DPP10: variants seen among roughly 807,000 people sequenced by gnomAD.
DPP10 encodes dipeptidyl peptidase like 10, also known as inactive dipeptidyl peptidase 10.
Under a neutral mutation model 120.9 loss-of-function variants are expected in DPP10, and 33 were observed. The ratio of observed to expected loss-of-function variants is 0.27; its 90% CI spans 0.21 to 0.37. DPP10 has a LOEUF of 0.37. Among genes scored for constraint, DPP10 ranks in the 10% least tolerant of loss-of-function variants. The probability of loss-of-function intolerance (pLI) is 1.00; values close to 1 mark genes in which losing one functional copy is unlikely to be tolerated. For synonymous variants in DPP10, 337 were observed against 326.1 expected, an observed-to-expected ratio of 1.03 and a Z score of -0.36; for missense variants, 816 against 942.8, an observed-to-expected ratio of 0.87 and a Z score of 1.76.
intron 1 of DPP10, among the ~76,000 whole-genome samples, chr2:114,775,229 C>T (rs371947633): frequency 2.0e-5 from 3 of 152,228 alleles, no homozygotes; most frequent in African/African-American, 7.2e-5. Context: ...AGGCTAATAG[C>T]TAAAGGTCAT....
At chr2:114,458,986 T>G (rs1678725389) in intron 1 of DPP10, among the ~76,000 whole-genome samples, 1 of 152,226 alleles carries the variant, frequency 6.6e-6, no homozygotes, top group African/African-American at 2.4e-5. Flanking sequence ...ATCACTCTGA[T>G]AAGATTGATT....
chr2:114,879,649 G>A (rs1452517009), intron 1 of DPP10, among the ~76,000 whole-genome samples: 3 of 152,012 alleles, frequency 2.0e-5, no homozygotes, highest in Non-Finnish European at 4.4e-5. Context: ...TCATCGTGGT[G>A]GGGGTCTTGG....
At chr2:115,296,730 T>C (rs2060901277) in intron 1 of DPP10, among the ~76,000 whole-genome samples, 1 of 152,102 alleles carries the variant, frequency 6.6e-6, no homozygotes, top group Non-Finnish European at 1.5e-5. Flanking sequence ...TCTTCTGATG[T>C]TTAATACATT....
intron 1 of DPP10, among the ~76,000 whole-genome samples, chr2:115,270,791 G>A (rs1251011144): frequency 6.6e-6 from 1 of 152,180 alleles, no homozygotes; most frequent in Non-Finnish European, 1.5e-5. Flanking sequence ...CAAGATTTGG[G>A]ACTACAAAAC....
At chr2:114,659,939 G>A (rs1278927443) in intron 1 of DPP10, among the ~76,000 whole-genome samples, 1 of 152,160 alleles carries the variant, frequency 6.6e-6, no homozygotes, top group South Asian at 2.1e-4. Flanking sequence ...CAGCAAAGAG[G>A]CATGGAACAG....
At chr2:115,799,595 C>G (rs112959526) in intron 19 of DPP10, among the ~76,000 whole-genome samples, 1,962 of 119,092 alleles carry the variant, frequency 0.016, 67 homozygotes, top group African/African-American at 0.058. Flanking sequence ...TCCCCCCACC[C>G]CACAACAGGC....
chr2:115,119,692 T>C (rs754076655), intron 1 of DPP10, among the ~76,000 whole-genome samples: 4 of 152,148 alleles, frequency 2.6e-5, no homozygotes, highest in Non-Finnish European at 5.9e-5. Flanking sequence ...TCCACTCTGT[T>C]GTGTTTCTCT....
chr2:115,345,709 A>G (rs1003517940), intron 3 of DPP10, among the ~76,000 whole-genome samples: 1 of 152,182 alleles, frequency 6.6e-6, no homozygotes, highest in Non-Finnish European at 1.5e-5. Context: ...TGACTCTGTG[A>G]TATTGAAGCT....
At chr2:114,971,630 G>A (rs1163048016) in intron 1 of DPP10, among the ~76,000 whole-genome samples, 2 of 152,076 alleles carry the variant, frequency 1.3e-5, no homozygotes, top group African/African-American at 4.8e-5. Context: ...AAGTAAAAGA[G>A]CGAAAGTAGA....
At chr2:115,086,395 C>T (rs1370896327) in intron 1 of DPP10, among the ~76,000 whole-genome samples, 1 of 152,148 alleles carries the variant, frequency 6.6e-6, no homozygotes, top group Non-Finnish European at 1.5e-5. Flanking sequence ...AAGCCACCCC[C>T]CAACCCCTCC....
At chr2:115,515,616 C>T (rs1052252007) in intron 4 of DPP10, among the ~76,000 whole-genome samples, 7 of 152,012 alleles carry the variant, frequency 4.6e-5, no homozygotes, top group Admixed American at 2.6e-4. Flanking sequence ...TGGAATTATT[C>T]ATTCATTAAT....
chr2:115,334,664 G>A (rs766405390), intron 2 of DPP10, among the ~76,000 whole-genome samples: 9 of 151,734 alleles, frequency 5.9e-5, no homozygotes, highest in Non-Finnish European at 1.2e-4. Flanking sequence ...GAAACATTTC[G>A]GTTGAAGAGA....
chr2:115,436,583 T>A (rs2071514980), intron 3 of DPP10, among the ~76,000 whole-genome samples: 1 of 151,880 alleles, frequency 6.6e-6, no homozygotes, highest in Admixed American at 6.6e-5. Flanking sequence ...ATATTAGACA[T>A]AATCAATCAA....
At chr2:114,532,367 G>GTA (rs1440570724) in intron 1 of DPP10, among the ~76,000 whole-genome samples, 1 of 135,216 alleles carries the variant, frequency 7.4e-6, no homozygotes, top group Non-Finnish European at 1.6e-5. Context: ...ATATATATAT[G>GTA]TATATATACA....
chr2:115,001,672 CT>C (rs1701448758), intron 1 of DPP10, among the ~76,000 whole-genome samples: 2 of 152,144 alleles, frequency 1.3e-5, no homozygotes. Flanking sequence ...GCTCTTTGCT[CT>C]GATAAACAAC....
chr2:115,727,860 G>A lies in DPP10; in HGVS notation c.621G>A (p.Lys207=). The change falls in exon 8 of 26, where the codon AAG becomes AAA. Residue 207 remains lysine (K), a synonymous_variant. Transcript: ENST00000410059. The part of the protein sequence containing the change: ...ENNIYYQPDI[K]SSSLRLTSSG... ...ATATCTACTATCAACCTGATATAAAGAGCAGTTCATTGCGACTGACATCTT... is the reference window on the plus strand; with the variant it reads ...ATATCTACTATCAACCTGATATAAAAAGCAGTTCATTGCGACTGACATCTT... 6.2e-7 allele frequency: 1 copy of A among 1,606,260 alleles called. No homozygotes were observed. The highest frequency in any genetic ancestry group is 8.5e-7 in the Non-Finnish European group (1 of 1,176,786).
chr2:114,852,102 C>T (rs1367328389), intron 1 of DPP10, among the ~76,000 whole-genome samples: 3 of 140,912 alleles, frequency 2.1e-5, no homozygotes, highest in African/African-American at 7.9e-5. Context: ...TGCCATCCCA[C>T]ATTTGCTATG....
chr2:115,265,376 G>A (rs1323939170), intron 1 of DPP10, among the ~76,000 whole-genome samples: 1 of 151,368 alleles, frequency 6.6e-6, no homozygotes, highest in Admixed American at 6.6e-5. Flanking sequence ...TTAATAAACA[G>A]TTATTATTAG....
At chr2:114,709,562 G>A (rs973135654) in intron 1 of DPP10, among the ~76,000 whole-genome samples, 1 of 152,136 alleles carries the variant, frequency 6.6e-6, no homozygotes, top group Non-Finnish European at 1.5e-5. Flanking sequence ...ATTGCATGGT[G>A]TTTTCCATTT....
Sources: gnomAD v4.1 joint callset for allele counts (sites outside exome capture counted in the v4.1 genomes callset) on GRCh38, gnomAD v4.1.1 for gene constraint, MANE v1.5 for transcripts, NCBI Gene and HGNC (gene_info 2026-07-23, HGNC 2026-07-21) for gene names.